Variants in SNTG2 observed in about 807,000 individuals in gnomAD.
SNTG2 encodes syntrophin gamma 2.
In SNTG2, 74 loss-of-function variants were observed where a neutral mutation model predicts 70.9. The ratio of observed to expected loss-of-function variants is 1.04; its 90% CI spans 0.86 to 1.27. The LOEUF is 1.27. Ranked by LOEUF, SNTG2 falls within the 50% of genes most tolerant of loss-of-function variation. SNTG2 has a pLI of 0.00. For missense variants in SNTG2, 717 were observed against 690.7 expected (o/e 1.04, Z -0.43); for synonymous variants, 278 against 273.8 (o/e 1.02, Z -0.15).
In SNTG2 at chr2:1,287,206, A is replaced by G. The variant is rs564760452; in HGVS notation, c.1284+19635A>G. On this transcript the variant is annotated intron_variant, in intron 14 of 16. Coordinates refer to ENST00000308624, the MANE Select transcript of SNTG2 (RefSeq NM_018968.4). ...TAAACAATGAGTGATTGTTATCCAC[A>G]TTTAAGGAATGTTGGAAAGACTTAA... is the stretch of plus-strand genomic sequence containing the variant. Among the ~76,000 whole-genome samples the G allele has an allele frequency of 9.8e-5, 15 of 152,316 alleles. No homozygotes were observed. In the East Asian group the frequency reaches 1.2e-3, roughly 12 times the overall value.
At chr2:981,617 GCATA>G (rs1661099461) in intron 1 of SNTG2, among the ~76,000 whole-genome samples, 1 of 151,584 alleles carries the variant, frequency 6.6e-6, no homozygotes, top group Admixed American at 6.5e-5. Flanking sequence ...ATGCACATAT[GCATA>G]TACACACAGG....
At chr2:1,017,477 T>C (rs1202279764) in intron 1 of SNTG2, among the ~76,000 whole-genome samples, 1 of 152,154 alleles carries the variant, frequency 6.6e-6, no homozygotes, top group Non-Finnish European at 1.5e-5. Context: ...CAAATGCACA[T>C]GCATGCACAC....
intron 1 of SNTG2, among the ~76,000 whole-genome samples, chr2:1,005,826 TA>T (rs1558306105): frequency 0.025 from 2,192 of 88,244 alleles, 330 homozygotes; most frequent in African/African-American, 0.084. Flanking sequence ...TATATATATA[TA>T]TATATATATA....
At chr2:960,972 G>A (rs1038818577) in intron 1 of SNTG2, among the ~76,000 whole-genome samples, 9 of 152,186 alleles carry the variant, frequency 5.9e-5, no homozygotes, top group Non-Finnish European at 1.0e-4. Flanking sequence ...GTCACTCCCC[G>A]CCTGGACGGG....
At chr2:1,223,379 C>A (rs923177077) in intron 9 of SNTG2, among the ~76,000 whole-genome samples, 1 of 146,844 alleles carries the variant, frequency 6.8e-6, no homozygotes, top group African/African-American at 2.5e-5. Flanking sequence ...GGTGCTGAAT[C>A]GCTGTAGAGG....
intron 2 of SNTG2, among the ~76,000 whole-genome samples, chr2:1,094,329 C>T (rs545452668): frequency 3.2e-5 from 2 of 62,720 alleles, no homozygotes; most frequent in East Asian, 1.5e-3. Context: ...GGACTGCAGG[C>T]GAAGGCCTTA....
At chr2:1,103,544 C>T (rs1665927255) in intron 4 of SNTG2, 1 of 168,308 alleles carries the variant, frequency 5.9e-6, no homozygotes, top group Admixed American at 6.3e-5. Flanking sequence ...CACCCGCCAC[C>T]ACGCTCGGCT....
intron 8 of SNTG2, 79 bp from the exon 9 acceptor site, chr2:1,209,024 C>T: frequency 6.4e-7 from 1 of 1,554,888 alleles, no homozygotes; most frequent in Non-Finnish European, 8.7e-7. Context: ...GTTCTGTGTT[C>T]CAGGTGCCTG....
At chr2:1,017,224 T>A (rs892560296) in intron 1 of SNTG2, among the ~76,000 whole-genome samples, 1 of 152,180 alleles carries the variant, frequency 6.6e-6, no homozygotes, top group African/African-American at 2.4e-5. Context: ...GTTTTACTGC[T>A]GTAACATCTA....
intron 8 of SNTG2, among the ~76,000 whole-genome samples, chr2:1,184,479 A>C (rs1030349876): frequency 1.3e-5 from 2 of 152,220 alleles, no homozygotes; most frequent in Non-Finnish European, 2.9e-5. Context: ...AAACTGGGAA[A>C]TTCATAAAGA....
chr2:995,515 C>T (rs996581116), intron 1 of SNTG2, among the ~76,000 whole-genome samples: 4 of 151,992 alleles, frequency 2.6e-5, no homozygotes, highest in African/African-American at 9.7e-5. Flanking sequence ...GGGATATTAT[C>T]TTGTAGTTTT....
chr2:1,232,601 C>T (rs1194638672), intron 9 of SNTG2, among the ~76,000 whole-genome samples: 1 of 152,144 alleles, frequency 6.6e-6, no homozygotes. Context: ...CCCAGCCCAC[C>T]ATGACTTTTT....
chr2:1,036,840 A>G (rs1057020608), intron 1 of SNTG2, among the ~76,000 whole-genome samples: 15 of 152,214 alleles, frequency 9.9e-5, no homozygotes, highest in Admixed American at 9.8e-4. Flanking sequence ...TCTTGAGCTT[A>G]GTTCTTTCAG....
chr2:1,063,982 A>G (rs1276824907), intron 1 of SNTG2, among the ~76,000 whole-genome samples: 1 of 152,246 alleles, frequency 6.6e-6, no homozygotes. Context: ...CATTTTTGAA[A>G]GCATATAATA....
chr2:1,152,177 T>C (rs961722234), intron 6 of SNTG2, among the ~76,000 whole-genome samples: 13 of 152,192 alleles, frequency 8.5e-5, no homozygotes, highest in African/African-American at 2.9e-4. Flanking sequence ...TCAATCATGG[T>C]GTCCACTCTC....
chr2:1,145,334 A>AAT (rs1669028191), intron 6 of SNTG2, among the ~76,000 whole-genome samples: 1 of 152,218 alleles, frequency 6.6e-6, no homozygotes, highest in African/African-American at 2.4e-5. Context: ...CTTATAAGCC[A>AAT]ATAGCCAGGC....
At chr2:1,216,375 G>T (rs1456970680) in intron 9 of SNTG2, among the ~76,000 whole-genome samples, 1 of 152,170 alleles carries the variant, frequency 6.6e-6, no homozygotes, top group African/African-American at 2.4e-5. Context: ...GTCTGTTCAT[G>T]TCCTTCGCTC....
chr2:1,296,726 C>T (rs1018515603), intron 14 of SNTG2, among the ~76,000 whole-genome samples: 7 of 152,176 alleles, frequency 4.6e-5, no homozygotes, highest in South Asian at 4.1e-4. Flanking sequence ...AACCTGCTTC[C>T]GGGTCAGCAC....
intron 6 of SNTG2, chr2:1,158,217 G>A (rs1272336687): frequency 6.6e-6 from 1 of 152,170 alleles, no homozygotes; most frequent in Non-Finnish European, 1.5e-5. Context: ...ACTAATTTAG[G>A]GGAGTTATTC....
Sources: allele counts gnomAD v4.1 joint callset (sites outside exome capture counted in the v4.1 genomes callset), GRCh38; gene constraint gnomAD v4.1.1; transcripts MANE v1.5; gene names NCBI Gene and HGNC (gene_info 2026-07-23, HGNC 2026-07-21).